Variants in UGT1A10 observed in about 807,000 individuals in gnomAD.
UGT1A10 encodes UDP-glucuronosyltransferase 1A10.
Under a neutral mutation model 45.8 loss-of-function variants are expected in UGT1A10, and 49 were observed. That is an observed-to-expected ratio of 1.07 (90% CI 0.85 to 1.36). UGT1A10 has a LOEUF of 1.36. UGT1A10 is among the 40% of genes most tolerant of loss of function. UGT1A10 has a pLI of 0.00. For missense variants in UGT1A10, 745 were observed against 668.6 expected (o/e 1.11, Z -1.26); for synonymous variants, 284 against 249.7 (o/e 1.14, Z -1.29).
intron 1 of UGT1A10, among the ~76,000 whole-genome samples, chr2:233,703,279 G>A (rs2075730151): frequency 6.6e-6 from 1 of 151,990 alleles, no homozygotes; most frequent in East Asian, 1.9e-4. Context: ...TTTCTGTAAG[G>A]TTGGTAGTAA....
intron 1 of UGT1A10, chr2:233,741,903 G>C (rs984668185): frequency 2.0e-5 from 3 of 151,860 alleles, no homozygotes; most frequent in Non-Finnish European, 4.4e-5. Context: ...GACCCTTTGT[G>C]ATGGAAAAGG....
chr2:233,654,600 A>G (rs1285225606), intron 1 of UGT1A10, among the ~76,000 whole-genome samples: 1 of 152,254 alleles, frequency 6.6e-6, no homozygotes, highest in East Asian at 1.9e-4. Context: ...GAAATGAAAT[A>G]AACCACAGCC....
chr2:233,636,530 G>A lies in UGT1A10; in HGVS notation c.8G>A (p.Arg3His), dbSNP rs754658257. MA[R>H]AGWTSPVPLC... ...TCGGGCTGCAGTTCTCTCATGGCTC[G>A]CGCAGGGTGGACCAGCCCCGTTCCT... Residue 3 changes from arginine to histidine, a missense_variant, in exon 1 of 5, where the codon CGC becomes CAC. Transcript: ENST00000344644. 19 of 1,612,268 alleles carry A rather than the reference G, an allele frequency of 1.2e-5. No individual in the cohort carries two copies. The highest frequency in any genetic ancestry group is 6.7e-5 in the African/African-American group (5 of 74,992).
chr2:233,663,210 A>G (rs1392749989), intron 1 of UGT1A10, among the ~76,000 whole-genome samples: 1 of 152,194 alleles, frequency 6.6e-6, no homozygotes, highest in Non-Finnish European at 1.5e-5. Flanking sequence ...CAGAGTCAAT[A>G]TAACAAGACA....
At chr2:233,749,829 T>G (rs758485445) in intron 1 of UGT1A10, among the ~76,000 whole-genome samples, 2 of 151,956 alleles carry the variant, frequency 1.3e-5, no homozygotes, top group Non-Finnish European at 2.9e-5. Context: ...CTCTCTTTCA[T>G]GTAAGACGTG....
rs1425669197 is a variant in UGT1A10 at position 233,693,475 on chromosome 2, G to A, written c.855+56098G>A. The A allele has an allele frequency of 6.8e-6, 11 of 1,614,046 alleles. No individual in the cohort carries two copies. The Admixed American group carries it at 1.0e-4, about 15-fold the overall frequency. On this transcript the variant is annotated intron_variant, in intron 1 of 4. Coordinates refer to ENST00000344644, the MANE Select transcript of UGT1A10 (RefSeq NM_019075.4). ...CAGACCCAGCCTTACCCTGTGGGGTGATCCTGGCTGAGTATTTGGGCCTAC... is the reference window on the plus strand; with the variant it reads ...CAGACCCAGCCTTACCCTGTGGGGTAATCCTGGCTGAGTATTTGGGCCTAC...
intron 1 of UGT1A10, among the ~76,000 whole-genome samples, chr2:233,723,516 CT>C (rs1162916866): frequency 0.039 from 3,290 of 85,380 alleles, 164 homozygotes; most frequent in African/African-American, 0.1. Flanking sequence ...GGTCAACAAT[CT>C]TTTTTTTTTT....
intron 4 of UGT1A10, chr2:233,770,180 T>C (rs1257391797): frequency 6.6e-6 from 1 of 152,250 alleles, no homozygotes; most frequent in Non-Finnish European, 1.5e-5. Context: ...CTCAACTTAT[T>C]AACTAACTTT....
At chr2:233,717,189 G>A (rs769962045) in intron 1 of UGT1A10, among the ~76,000 whole-genome samples, 4 of 152,156 alleles carry the variant, frequency 2.6e-5, no homozygotes, top group South Asian at 2.1e-4. Context: ...CACCCTCCCA[G>A]GCATGTTCCA....
intron 1 of UGT1A10, among the ~76,000 whole-genome samples, chr2:233,663,907 C>G (rs1177200133): frequency 6.6e-6 from 1 of 152,136 alleles, no homozygotes; most frequent in Non-Finnish European, 1.5e-5. Context: ...ATACCTCATA[C>G]AAGTAGAATG....
intron 1 of UGT1A10, chr2:233,693,547 A>C: frequency 6.2e-7 from 1 of 1,614,164 alleles, no homozygotes; most frequent in Non-Finnish European, 8.5e-7. Flanking sequence ...TGGAGCATAC[A>C]TTCAGCAGAA....
intron 1 of UGT1A10, chr2:233,690,718 A>G (rs2075004617): frequency 8.2e-7 from 1 of 1,217,746 alleles, no homozygotes; most frequent in Non-Finnish European, 1.0e-6. Flanking sequence ...ATTATGACGA[A>G]CAGACATGCC....
intron 1 of UGT1A10, among the ~76,000 whole-genome samples, chr2:233,674,924 G>A (rs1346845868): frequency 1.3e-5 from 2 of 152,156 alleles, no homozygotes; most frequent in Non-Finnish European, 2.9e-5. Context: ...GGATGTGTCT[G>A]GGAAAAGCAT....
intron 1 of UGT1A10, chr2:233,713,939 T>G: frequency 6.2e-7 from 1 of 1,610,264 alleles, no homozygotes; most frequent in Non-Finnish European, 8.5e-7. Context: ...AGTGCTTCCA[T>G]ATCTACTTAT....
At chr2:233,656,115 G>C (rs2073847743) in intron 1 of UGT1A10, among the ~76,000 whole-genome samples, 2 of 152,126 alleles carry the variant, frequency 1.3e-5, no homozygotes, top group Non-Finnish European at 2.9e-5. Flanking sequence ...TATTCACCAG[G>C]TTACAGAAGG....
intron 1 of UGT1A10, among the ~76,000 whole-genome samples, chr2:233,652,921 A>G (rs993561900): frequency 6.6e-6 from 1 of 152,242 alleles, no homozygotes; most frequent in Non-Finnish European, 1.5e-5. Context: ...GTGATGTGAC[A>G]CACACATTGT....
chr2:233,746,266 G>A (rs573360161), intron 1 of UGT1A10, among the ~76,000 whole-genome samples: 7 of 151,810 alleles, frequency 4.6e-5, no homozygotes, highest in South Asian at 4.1e-4. Context: ...AGAACAAAAC[G>A]CTGTGGGGAT....
chr2:233,727,152 CTT>C (rs2077588377), intron 1 of UGT1A10, among the ~76,000 whole-genome samples: 1 of 152,188 alleles, frequency 6.6e-6, no homozygotes, highest in South Asian at 2.1e-4. Context: ...ACAGGTCAGT[CTT>C]TCAGGATGCT....
rs1022638248 is a variant in UGT1A10, at chr2:233,725,056, G to A, written c.856-41978G>A. On this transcript the variant is annotated intron_variant, in intron 1 of 4. Coordinates refer to ENST00000344644, the MANE Select transcript of UGT1A10 (RefSeq NM_019075.4). ...ACCAAAACCAGTCAGGCGTGGCGGC[G>A]CGCGCCTGCAATCGCAGGCACTCGG... Among the ~76,000 whole-genome samples the A allele has an allele frequency of 2.3e-4, 34 of 147,566 alleles. 1 individual carries two copies. Among genetic ancestry groups the A allele is most frequent in the African/African-American group, 3.0e-4 (12 of 39,600 alleles).
Sources: gnomAD v4.1 joint callset for allele counts (sites outside exome capture counted in the v4.1 genomes callset) on GRCh38, gnomAD v4.1.1 for gene constraint, MANE v1.5 for transcripts, NCBI Gene and HGNC (gene_info 2026-07-23, HGNC 2026-07-21) for gene names.